SLC2A13: variants seen among roughly 807,000 people sequenced by gnomAD.
SLC2A13 encodes proton myo-inositol cotransporter.
A neutral mutation model predicts 64.4 loss-of-function variants in SLC2A13; 32 were observed. That is an observed-to-expected ratio of 0.50 (90% confidence interval 0.37 to 0.67). The LOEUF (loss-of-function observed/expected upper bound fraction) is 0.67, where lower values mean the gene tolerates loss of function less well. Ranked by LOEUF, SLC2A13 falls within the 30% of genes least tolerant of loss-of-function variation. The pLI is 0.00. For missense variants in SLC2A13, 743 were observed against 829.2 expected (o/e 0.90, Z 1.28); for synonymous variants, 338 against 327.1 (o/e 1.03, Z -0.36).
chr12:40,070,105 A>G, intron 1 of SLC2A13, among the ~76,000 whole-genome samples: 1 of 152,064 alleles, frequency 6.6e-6, no homozygotes, highest in South Asian at 2.1e-4. Flanking sequence ...TATTAGTTTG[A>G]CAAAGAGTAT....
intron 4 of SLC2A13, among the ~76,000 whole-genome samples, chr12:39,947,661 T>C (rs1946159110): frequency 6.8e-6 from 1 of 146,394 alleles, no homozygotes; most frequent in Admixed American, 6.8e-5. Context: ...AGAATTTCTT[T>C]TTTTTTTTTT....
At chr12:40,100,535 T>C (rs1939109308) in intron 1 of SLC2A13, among the ~76,000 whole-genome samples, 2 of 152,112 alleles carry the variant, frequency 1.3e-5, no homozygotes, top group African/African-American at 4.8e-5. Flanking sequence ...TGATAGAAAA[T>C]AAATAAAGCA....
intron 3 of SLC2A13, among the ~76,000 whole-genome samples, chr12:39,956,844 C>T (rs1462927457): frequency 6.6e-6 from 1 of 152,080 alleles, no homozygotes; most frequent in Non-Finnish European, 1.5e-5. Context: ...TTACAAGATG[C>T]AAACTGTAGG....
Position 39,764,562 on chromosome 12 carries a change from C to A in SLC2A13, c.1618G>T (p.Ala540Ser). 6.2e-7 allele frequency: 1 copy of A among 1,610,878 alleles called. No individual in the cohort carries two copies. Residue 540 changes from alanine to serine, a missense_variant, in exon 9 of 10, where the codon GCA becomes TCA. Ala to Ser is a moderately conservative substitution (Grantham distance 99). Transcript: ENST00000280871. Reference protein sequence around the residue: ...TVNSEIYPLWARSTGNACSSG... With the variant: ...TVNSEIYPLWSRSTGNACSSG... Reference sequence around the variant, plus strand: ...GAACATGCATTTCCTGTACTTCTTGCCCAAAGGGGATATATTTCAGAATTC... The same window carrying A: ...GAACATGCATTTCCTGTACTTCTTGACCAAAGGGGATATATTTCAGAATTC...
chr12:39,975,786 A>T (rs1946747035), intron 3 of SLC2A13, among the ~76,000 whole-genome samples: 1 of 152,222 alleles, frequency 6.6e-6, no homozygotes, highest in Non-Finnish European at 1.5e-5. Flanking sequence ...ACTCTCTATT[A>T]ACATGCATCA....
intron 2 of SLC2A13, among the ~76,000 whole-genome samples, chr12:40,035,806 C>T (rs2136224388): frequency 6.6e-6 from 1 of 152,168 alleles, no homozygotes; most frequent in Admixed American, 6.5e-5. Flanking sequence ...AGTGGCTTGG[C>T]CAGGGTTATT....
At chr12:40,015,180 A>C (rs1026302781) in intron 3 of SLC2A13, among the ~76,000 whole-genome samples, 3 of 152,186 alleles carry the variant, frequency 2.0e-5, no homozygotes, top group African/African-American at 7.2e-5. Context: ...AAAAAAAAAA[A>C]ATTCCAAGGA....
chr12:39,811,566 A>G (rs892013479), intron 7 of SLC2A13, among the ~76,000 whole-genome samples: 9 of 152,238 alleles, frequency 5.9e-5, no homozygotes, highest in African/African-American at 1.9e-4. Flanking sequence ...TTTTTACAGC[A>G]TGGGTTATTT....
At chr12:39,901,599 C>T (rs1945113708) in intron 4 of SLC2A13, among the ~76,000 whole-genome samples, 2 of 123,594 alleles carry the variant, frequency 1.6e-5, no homozygotes, top group African/African-American at 6.1e-5. Flanking sequence ...AAATGCTCAT[C>T]ATCACTGGCC....
At chr12:40,051,562 T>A (rs1367382560) in intron 1 of SLC2A13, among the ~76,000 whole-genome samples, 1 of 152,128 alleles carries the variant, frequency 6.6e-6, no homozygotes, top group African/African-American at 2.4e-5. Context: ...AACATCAGAC[T>A]ATAGCAAAGG....
chr12:39,981,414 T>C (rs1449629512), intron 3 of SLC2A13, among the ~76,000 whole-genome samples: 2 of 151,398 alleles, frequency 1.3e-5, no homozygotes, highest in Middle Eastern at 3.4e-3. Flanking sequence ...ATCAACAAAA[T>C]TGATAGACCG....
chr12:40,056,212 C>A (rs1209804106), intron 1 of SLC2A13, among the ~76,000 whole-genome samples: 1 of 151,046 alleles, frequency 6.6e-6, no homozygotes, highest in African/African-American at 2.4e-5. Flanking sequence ...CTGTAACTTT[C>A]AGATACTGGA....
intron 3 of SLC2A13, among the ~76,000 whole-genome samples, chr12:39,981,388 C>G (rs374883208): frequency 6.6e-6 from 1 of 151,880 alleles, no homozygotes; most frequent in African/African-American, 2.4e-5. Flanking sequence ...AATCCAGGAG[C>G]TGGTTTTTTG....
At chr12:40,043,221 A>G (rs1948121508) in intron 2 of SLC2A13, among the ~76,000 whole-genome samples, 1 of 152,194 alleles carries the variant, frequency 6.6e-6, no homozygotes, top group South Asian at 2.1e-4. Flanking sequence ...TTCACTTACT[A>G]TATATTTACT....
At chr12:39,777,651 T>G (rs1315933401) in intron 7 of SLC2A13, among the ~76,000 whole-genome samples, 3 of 151,796 alleles carry the variant, frequency 2.0e-5, no homozygotes, top group African/African-American at 7.2e-5. Flanking sequence ...GACACACAGG[T>G]GGCTGGATGT....
intron 3 of SLC2A13, among the ~76,000 whole-genome samples, chr12:39,953,504 A>G (rs1323462019): frequency 6.6e-6 from 1 of 152,180 alleles, no homozygotes; most frequent in East Asian, 1.9e-4. Flanking sequence ...ATATCACAGA[A>G]TCTATGAGGC....
chr12:39,803,905 A>C (rs905851925), intron 7 of SLC2A13, among the ~76,000 whole-genome samples: 1 of 152,212 alleles, frequency 6.6e-6, no homozygotes, highest in Non-Finnish European at 1.5e-5. Context: ...TTCCCAAGAT[A>C]AATAAAATTA....
intron 7 of SLC2A13, among the ~76,000 whole-genome samples, chr12:39,789,824 C>T (rs1227862855): frequency 6.6e-6 from 1 of 152,064 alleles, no homozygotes; most frequent in East Asian, 1.9e-4. Context: ...TATTTATTGG[C>T]CATTTGGGTA....
At chr12:39,988,716 AGGAAGGAAGGAAG>A (rs1947079235) in intron 3 of SLC2A13, among the ~76,000 whole-genome samples, 2 of 126,902 alleles carry the variant, frequency 1.6e-5, no homozygotes, top group African/African-American at 5.8e-5. Context: ...GAAGGAAGGA[AGGAAGGAAGGAAG>A]GGGGGGAGGA....
Sources: gnomAD v4.1 joint callset for allele counts (sites outside exome capture counted in the v4.1 genomes callset) on GRCh38, gnomAD v4.1.1 for gene constraint, MANE v1.5 for transcripts, NCBI Gene and HGNC (gene_info 2026-07-23, HGNC 2026-07-21) for gene names.